The following XKR4 variants were observed in gnomAD, a reference collection of about 807,000 sequenced individuals.
The protein encoded by XKR4 is XK related 4, also known as XK-related protein 4.
A neutral mutation model predicts 53.9 loss-of-function variants in XKR4; 12 were observed. That is an observed-to-expected ratio of 0.22 (90% CI 0.14 to 0.36). XKR4 has a LOEUF of 0.36. Ranked by LOEUF, XKR4 falls within the 10% of genes least tolerant of loss-of-function variation. The pLI is 1.00. For missense variants in XKR4, 799 were observed against 859.5 expected (o/e 0.93, Z 0.88); for synonymous variants, 354 against 362.4 (o/e 0.98, Z 0.26).
intron 2 of XKR4, among the ~76,000 whole-genome samples, chr8:55,491,573 G>T (rs1052172582): frequency 6.6e-6 from 1 of 152,090 alleles, no homozygotes; most frequent in Non-Finnish European, 1.5e-5. Context: ...TAGCCTTCTG[G>T]GGTCTTTTCT....
chr8:55,389,070 C>T (rs932359033), intron 2 of XKR4, among the ~76,000 whole-genome samples: 2 of 152,172 alleles, frequency 1.3e-5, no homozygotes, highest in African/African-American at 4.8e-5. Flanking sequence ...CACATGAACA[C>T]GAACATGCAC....
chr8:55,206,120 G>A (rs568838213), intron 1 of XKR4, among the ~76,000 whole-genome samples: 2 of 152,314 alleles, frequency 1.3e-5, no homozygotes, highest in African/African-American at 4.8e-5. Context: ...CATAAAGGCA[G>A]TGCGGACCCA....
chr8:55,339,928 C>T (rs1247722240), intron 1 of XKR4, among the ~76,000 whole-genome samples: 1 of 152,088 alleles, frequency 6.6e-6, no homozygotes, highest in Non-Finnish European at 1.5e-5. Context: ...TTGGATTTTC[C>T]TCTATGACCT....
chr8:55,263,737 T>A (rs1818561212), intron 1 of XKR4, among the ~76,000 whole-genome samples: 1 of 152,226 alleles, frequency 6.6e-6, no homozygotes, highest in African/African-American at 2.4e-5. Context: ...TCTGGGTAAT[T>A]TGTTGAGTCA....
At chr8:55,330,885 C>T (rs544231765) in intron 1 of XKR4, among the ~76,000 whole-genome samples, 1 of 152,230 alleles carries the variant, frequency 6.6e-6, no homozygotes, top group South Asian at 2.1e-4. Context: ...CAATGATCTG[C>T]ATTTTGTACA....
In XKR4 at chr8:55,524,575, T is replaced by C. The variant is rs1806855520; in HGVS notation, c.*348T>C. The C allele has an allele frequency of 7.7e-6, 2 of 260,138 alleles. No individual in the cohort carries two copies. Among genetic ancestry groups the C allele is most frequent in the East Asian group, 8.3e-5 (1 of 12,042 alleles). The allele number at this position is 260,138 out of a possible 1,614,324, so 16.1% of individuals were successfully genotyped here. ...AGGGTGTCTTGATGGCGTTAACTGA[T>C]CTTTCCATAAAAATAGATTCAGTCA... On this transcript the variant is annotated 3_prime_UTR_variant, in exon 3 of 3. Transcript: ENST00000327381.
intron 1 of XKR4, among the ~76,000 whole-genome samples, chr8:55,175,142 T>C (rs975403684): frequency 2.0e-5 from 3 of 152,326 alleles, no homozygotes; most frequent in Non-Finnish European, 2.9e-5. Flanking sequence ...TTGAAACTTA[T>C]CATCATTCAC....
intron 2 of XKR4, among the ~76,000 whole-genome samples, chr8:55,427,291 T>C (rs1231840673): frequency 1.3e-5 from 2 of 152,242 alleles, no homozygotes; most frequent in Admixed American, 1.3e-4. Flanking sequence ...AAAGGATGTG[T>C]TAACTCTAAA....
intron 2 of XKR4, among the ~76,000 whole-genome samples, chr8:55,376,975 C>G (rs1023646978): frequency 4.0e-5 from 6 of 151,290 alleles, no homozygotes; most frequent in East Asian, 1.9e-4. Context: ...CACACACACA[C>G]AGAGAGAGAG....
At chr8:55,359,434 G>A (rs1320710825) in intron 2 of XKR4, among the ~76,000 whole-genome samples, 2 of 152,184 alleles carry the variant, frequency 1.3e-5, no homozygotes, top group East Asian at 1.9e-4. Flanking sequence ...GGCATATAAT[G>A]CCAGGTATAT....
intron 1 of XKR4, among the ~76,000 whole-genome samples, chr8:55,270,855 G>T (rs184067365): frequency 5.8e-4 from 88 of 152,310 alleles, no homozygotes; most frequent in African/African-American, 2.0e-3. Flanking sequence ...AGCCAGGAAA[G>T]AGGGGTGAAA....
chr8:55,155,916 C>A (rs1816900961), intron 1 of XKR4, among the ~76,000 whole-genome samples: 1 of 152,118 alleles, frequency 6.6e-6, no homozygotes, highest in African/African-American at 2.4e-5. Flanking sequence ...GCCAATTTAT[C>A]CATCAAACAT....
At chr8:55,220,610 G>A (rs553222766) in intron 1 of XKR4, among the ~76,000 whole-genome samples, 1 of 152,308 alleles carries the variant, frequency 6.6e-6, no homozygotes, top group African/African-American at 2.4e-5. Flanking sequence ...GGACTCCATA[G>A]ACTCTCAAAG....
chr8:55,140,397 T>C lies in XKR4; in HGVS notation c.806+37103T>C, dbSNP rs115035494. 9.8e-3 allele frequency among the ~76,000 whole-genome samples: 1,500 copies of C among 152,322 alleles called. 24 individuals are homozygous for C. The highest frequency in any genetic ancestry group is 0.034 in the African/African-American group (1,433 of 41,562). On this transcript the variant is annotated intron_variant, in intron 1 of 2. Coordinates refer to ENST00000327381, the MANE Select transcript of XKR4 (RefSeq NM_052898.2). ...CTGATGCCACATGTGACAGAGAAAC[T>C]TCTTCATTTTGCTCATGACAAGATG...
At chr8:55,450,010 G>C in intron 2 of XKR4, 1 of 788,816 alleles carries the variant, frequency 1.3e-6, no homozygotes, top group East Asian at 2.6e-5. Context: ...GCGGTGGTGA[G>C]GTGCGGTGGA....
intron 2 of XKR4, among the ~76,000 whole-genome samples, chr8:55,516,979 C>T (rs1053298379): frequency 6.6e-6 from 1 of 152,042 alleles, no homozygotes; most frequent in Non-Finnish European, 1.5e-5. Context: ...TTTGCAGCAA[C>T]ATAGATGGAA....
intron 1 of XKR4, among the ~76,000 whole-genome samples, chr8:55,119,004 A>G (rs1179203191): frequency 6.6e-6 from 1 of 152,118 alleles, no homozygotes; most frequent in Non-Finnish European, 1.5e-5. Context: ...TATATAGGTT[A>G]GGATGTGTGG....
At chr8:55,449,661 C>T in intron 2 of XKR4, 1 of 913,262 alleles carries the variant, frequency 1.1e-6, no homozygotes, top group Non-Finnish European at 1.8e-6. Context: ...GTGGCCATGC[C>T]AGGTGCCACA....
At chr8:55,301,618 T>G (rs1018893565) in intron 1 of XKR4, among the ~76,000 whole-genome samples, 4 of 152,200 alleles carry the variant, frequency 2.6e-5, no homozygotes, top group Admixed American at 2.0e-4. Context: ...AGCAGCAGTG[T>G]AAAAGTGTTC....
Sources: allele counts gnomAD v4.1 joint callset (sites outside exome capture counted in the v4.1 genomes callset), GRCh38; gene constraint gnomAD v4.1.1; transcripts MANE v1.5; gene names NCBI Gene and HGNC (gene_info 2026-07-23, HGNC 2026-07-21).